The following PLCG2 variants were observed in gnomAD, a reference collection of about 807,000 sequenced individuals.
The protein encoded by PLCG2 is phospholipase C gamma 2.
Under a neutral mutation model 175.6 loss-of-function variants are expected in PLCG2, and 69 were observed. That is an observed-to-expected ratio of 0.39 (90% confidence interval 0.32 to 0.48). PLCG2 has a LOEUF of 0.48. Ranked by LOEUF, PLCG2 falls within the 20% of genes least tolerant of loss-of-function variation. The probability of loss-of-function intolerance (pLI) is 0.91; values close to 1 mark genes in which losing one functional copy is unlikely to be tolerated. For missense variants in PLCG2, 1,798 were observed against 1,650.9 expected, an observed-to-expected ratio of 1.09 and a Z score of -1.54; for synonymous variants, 827 against 624.0, an observed-to-expected ratio of 1.33 and a Z score of -4.85.
rs1910040857 is a variant in PLCG2, at chr16:81,921,064, A to G, written c.2236-134A>G. 14 of 592,814 alleles carry G rather than the reference A, an allele frequency of 2.4e-5. No homozygotes were observed. In the South Asian group the frequency reaches 3.0e-4, roughly 13 times the overall value. The allele number at this position is 592,814 out of a possible 1,614,324, so 36.7% of individuals were successfully genotyped here. On this transcript the variant is annotated intron_variant, in intron 20 of 32. Transcript: ENST00000564138. ...CTTCCTGTGTCTACTCATGGGCCAA[A>G]AGAAAATTCTATGAGGTTTCAACTC...
chr16:81,857,046 C>T (rs12931725), intron 3 of PLCG2, among the ~76,000 whole-genome samples: 46,656 of 151,992 alleles, frequency 0.31, 7,772 homozygotes, highest in South Asian at 0.38. Flanking sequence ...TTTTAGACTT[C>T]TGGCCTCTCT....
chr16:81,913,143 C>T (rs528238837), intron 19 of PLCG2, among the ~76,000 whole-genome samples: 24 of 152,164 alleles, frequency 1.6e-4, no homozygotes, highest in Non-Finnish European at 2.8e-4. Flanking sequence ...AGCTGCTGCC[C>T]AACCACCTCT....
At chr16:81,929,774 G>A (rs572800302) in intron 24 of PLCG2, among the ~76,000 whole-genome samples, 2 of 152,322 alleles carry the variant, frequency 1.3e-5, no homozygotes, top group South Asian at 4.1e-4. Flanking sequence ...TCTTTGCTCC[G>A]ATTACCAGAT....
intron 2 of PLCG2, among the ~76,000 whole-genome samples, chr16:81,797,029 C>T (rs1003397856): frequency 2.6e-5 from 4 of 152,168 alleles, no homozygotes; most frequent in Non-Finnish European, 4.4e-5. Flanking sequence ...ATTTAAGAGG[C>T]GTTGCTTTCT....
intron 1 of PLCG2, among the ~76,000 whole-genome samples, chr16:81,751,503 T>C (rs755612635): frequency 3.3e-5 from 5 of 152,160 alleles, no homozygotes; most frequent in Non-Finnish European, 7.4e-5. Flanking sequence ...GGTCAAAGCA[T>C]ACAAAATCTC....
chr16:81,939,902 C>G lies in PLCG2; in HGVS notation c.3324C>G (p.Gly1108=). The change falls in exon 30 of 33, where the codon GGC becomes GGG. Residue 1108 remains glycine, a synonymous_variant. Transcript: ENST00000564138. ...KFKTTVVNDN[G]LSPIWAPTQE... ...TTGATCTCCTTCCAGATGATAATGG[C>G]CTCAGCCCTATCTGGGCTCCAACAC... 6.2e-7 allele frequency: 1 copy of G among 1,612,690 alleles called. No individual in the cohort carries two copies. Among genetic ancestry groups the G allele is most frequent in the Non-Finnish European group, 8.5e-7 (1 of 1,178,692 alleles).
rs998325681 is a variant in PLCG2 at position 81,769,607 on chromosome 16, G to T, written c.-48+13641G>T. Among the ~76,000 whole-genome samples the T allele has an allele frequency of 2.6e-5, 4 of 152,108 alleles. No homozygotes were observed. The East Asian group carries it at 7.7e-4, about 29-fold the overall frequency. Reference sequence around the variant, plus strand: ...AGGCGGGCGGATCACGAGGTCAGGAGATCGAGACCATCCCGGCTAAAAAAA... The same window carrying T: ...AGGCGGGCGGATCACGAGGTCAGGATATCGAGACCATCCCGGCTAAAAAAA... On this transcript the variant is annotated intron_variant, in intron 2 of 5. Transcript: ENST00000565054.
At chr16:81,780,022 C>T (rs192143951) in intron 1 of PLCG2, among the ~76,000 whole-genome samples, 117 of 152,298 alleles carry the variant, frequency 7.7e-4, no homozygotes, top group African/African-American at 2.3e-3. Context: ...GAGGGCATTA[C>T]CCGCACAGCG....
chr16:81,839,637 T>G (rs1052517577), intron 2 of PLCG2, among the ~76,000 whole-genome samples: 3 of 152,226 alleles, frequency 2.0e-5, no homozygotes, highest in Non-Finnish European at 2.9e-5. Flanking sequence ...GTGCCAGGTA[T>G]GTATTTTTTC....
intron 2 of PLCG2, among the ~76,000 whole-genome samples, chr16:81,813,638 C>T (rs944209893): frequency 1.3e-5 from 2 of 152,208 alleles, no homozygotes; most frequent in Non-Finnish European, 2.9e-5. Context: ...AGAGCTCAGT[C>T]AGTGGATTTG....
At chr16:81,775,721 C>T (rs1188397075), upstream of PLCG2, among the ~76,000 whole-genome samples, 4 of 152,302 alleles carry the variant, frequency 2.6e-5, no homozygotes, top group East Asian at 1.9e-4. Context: ...CAAGATGATT[C>T]AGCTTAAAAT....
At chr16:81,952,861 G>A (rs1316148504) in intron 31 of PLCG2, among the ~76,000 whole-genome samples, 2 of 152,192 alleles carry the variant, frequency 1.3e-5, no homozygotes, top group South Asian at 4.1e-4. Flanking sequence ...TGTCCCAAAA[G>A]TGTCTTCCGC....
At chr16:81,789,082 C>G (rs959326773) in intron 2 of PLCG2, among the ~76,000 whole-genome samples, 1 of 152,148 alleles carries the variant, frequency 6.6e-6, no homozygotes, top group African/African-American at 2.4e-5. Context: ...ACCTGTGTAA[C>G]AAACCTGCAT....
intron 24 of PLCG2, chr16:81,931,260 A>T: frequency 2.6e-6 from 1 of 383,218 alleles, no homozygotes; most frequent in Non-Finnish European, 4.7e-6. Context: ...TCCCATTCAC[A>T]GGTACTGGTG....
chr16:81,950,924 C>CAACT (rs1911341012), intron 31 of PLCG2, among the ~76,000 whole-genome samples: 1 of 151,710 alleles, frequency 6.6e-6, no homozygotes, highest in African/African-American at 2.4e-5. Flanking sequence ...AGATAGAAAC[C>CAACT]AACTGAATAA....
intron 2 of PLCG2, among the ~76,000 whole-genome samples, chr16:81,756,957 T>G (rs959922186): frequency 6.6e-6 from 1 of 152,168 alleles, no homozygotes; most frequent in Non-Finnish European, 1.5e-5. Context: ...GGGATTCCAG[T>G]GGTTCCTACT....
intron 5 of PLCG2, 89 bp downstream of exon 5, chr16:81,859,252 G>T (rs1367927972): frequency 2.3e-6 from 2 of 851,756 alleles, no homozygotes; most frequent in East Asian, 2.5e-5. Flanking sequence ...AGCATGACTT[G>T]TCGGGAGCAA....
rs1291042242 is a variant in PLCG2 at position 81,895,403 on chromosome 16, C to CA, written c.1073-397dup. Among the ~76,000 whole-genome samples the CA allele has an allele frequency of 3.3e-5, 5 of 152,078 alleles. No individual in the cohort carries two copies. The East Asian group carries it at 9.7e-4, about 29-fold the overall frequency. ...GTGCAACCCTGTCTCTACTAAAATACAAAAAAATTAGCCGAGCGTGATGGT... is the reference window on the plus strand; with the variant it reads ...GTGCAACCCTGTCTCTACTAAAATACAAAAAAAATTAGCCGAGCGTGATGGT... On this transcript the variant is annotated intron_variant, in intron 12 of 32. Coordinates refer to ENST00000564138, the MANE Select transcript of PLCG2 (RefSeq NM_002661.5).
intron 2 of PLCG2, among the ~76,000 whole-genome samples, chr16:81,771,489 A>G (rs1271879321): frequency 6.6e-6 from 1 of 152,146 alleles, no homozygotes; most frequent in Non-Finnish European, 1.5e-5. Context: ...TTCTGAGGTT[A>G]CCTCCTCTGA....
Sources: allele counts gnomAD v4.1 joint callset (sites outside exome capture counted in the v4.1 genomes callset), GRCh38; gene constraint gnomAD v4.1.1; transcripts MANE v1.5; gene names NCBI Gene and HGNC (gene_info 2026-07-23, HGNC 2026-07-21).